Variants in KDM4C observed in about 807,000 individuals in gnomAD.
KDM4C encodes lysine-specific demethylase 4C.
Under a neutral mutation model 129.3 loss-of-function variants are expected in KDM4C, and 81 were observed. The ratio of observed to expected loss-of-function variants is 0.63; its 90% CI spans 0.52 to 0.75. KDM4C has a LOEUF of 0.75. Among genes scored for constraint, KDM4C ranks in the 30% least tolerant of loss-of-function variants. The probability of loss-of-function intolerance (pLI) is 0.00; values close to 1 mark genes in which losing one functional copy is unlikely to be tolerated. For synonymous variants in KDM4C, 573 were observed against 456.1 expected (o/e 1.26, Z -3.26); for missense variants, 1,457 against 1,304.0 (o/e 1.12, Z -1.81).
intron 16 of KDM4C, among the ~76,000 whole-genome samples, chr9:7,048,410 A>T (rs1235475072): frequency 6.6e-6 from 1 of 152,084 alleles, no homozygotes; most frequent in Non-Finnish European, 1.5e-5. Flanking sequence ...AGATCTCTTC[A>T]AACCTCATGA....
intron 1 of KDM4C, among the ~76,000 whole-genome samples, chr9:6,788,214 T>A (rs1445162078): frequency 1.3e-5 from 2 of 152,228 alleles, no homozygotes; most frequent in African/African-American, 4.8e-5. Flanking sequence ...TAGCATGTAC[T>A]TTTTATTGTC....
At chr9:7,088,284 A>G (rs1349783010) in intron 17 of KDM4C, among the ~76,000 whole-genome samples, 1 of 152,202 alleles carries the variant, frequency 6.6e-6, no homozygotes, top group Non-Finnish European at 1.5e-5. Context: ...ACCTAGGAGA[A>G]ATGCTGTTTT....
rs536483164 is a variant in KDM4C at position 7,102,978 on chromosome 9, C to T, written c.2425-707C>T. Among the ~76,000 whole-genome samples the T allele has an allele frequency of 1.8e-4, 27 of 152,250 alleles. 1 individual carries two copies. In the South Asian group the frequency reaches 4.1e-3, roughly 23 times the overall value. On this transcript the variant is annotated intron_variant, in intron 17 of 21. Coordinates refer to ENST00000381309, the MANE Select transcript of KDM4C (RefSeq NM_015061.6). The stretch of plus-strand genomic sequence containing the variant: ...GGCTAATTGTATGCAATTTACTTTT[C>T]GAATTGTGGTAATCATTATTGCTGT...
intron 18 of KDM4C, among the ~76,000 whole-genome samples, chr9:7,112,654 A>C (rs958405634): frequency 3.3e-5 from 5 of 152,182 alleles, no homozygotes; most frequent in Non-Finnish European, 5.9e-5. Flanking sequence ...CACAGGGCTG[A>C]TACATCATAT....
chr9:6,901,109 G>A (rs1817333914), intron 8 of KDM4C, among the ~76,000 whole-genome samples: 1 of 152,160 alleles, frequency 6.6e-6, no homozygotes, highest in Non-Finnish European at 1.5e-5. Context: ...TTGGTAGTGT[G>A]TTTTCTGGCT....
At chr9:6,834,390 G>A (rs574409564) in intron 4 of KDM4C, 92 of 358,122 alleles carry the variant, frequency 2.6e-4, no homozygotes, top group African/African-American at 1.6e-3. Context: ...GACCACGTCC[G>A]CCCCGTGAGC....
At position 6,758,074 on chromosome 9, in the gene KDM4C, G is replaced by A; in HGVS notation, c.-147G>A. The A allele has an allele frequency of 1.0e-6, 1 of 985,486 alleles. No individual in the cohort carries two copies. Among genetic ancestry groups the A allele is most frequent in the East Asian group, 1.1e-4 (1 of 8,794 alleles). The allele number at this position is 985,486 out of a possible 1,614,324, so 61.0% of individuals were successfully genotyped here. A position where few individuals can be genotyped will look rare whatever the true frequency, so the allele number is the denominator to read the frequency against. ...ATCGGGCGGCCGGGGTCCTGTGCGC[G>A]TGCGCAGCGAACAGCTGTCACCTAG... is the stretch of plus-strand genomic sequence containing the variant. On this transcript the variant is annotated 5_prime_UTR_variant, in exon 1 of 22. The change creates a new upstream start codon in the 5' untranslated region. Coordinates refer to ENST00000381309, the MANE Select transcript of KDM4C (RefSeq NM_015061.6). This position sits in a 1 kb window ranked among gnomAD's most constrained non-coding sequence, Gnocchi z 4.6.
intron 1 of KDM4C, among the ~76,000 whole-genome samples, chr9:6,736,268 A>G (rs892412563): frequency 6.6e-6 from 1 of 152,288 alleles, no homozygotes; most frequent in Non-Finnish European, 1.5e-5. Context: ...CTGAGGAGAA[A>G]CTCAATCCAG....
At chr9:7,123,187 CA>C (rs1839685586) in intron 18 of KDM4C, among the ~76,000 whole-genome samples, 1 of 152,120 alleles carries the variant, frequency 6.6e-6, no homozygotes, top group Non-Finnish European at 1.5e-5. Flanking sequence ...TCTAACCAGC[CA>C]ATCTGCATAA....
At chr9:6,817,198 C>A (rs1375435035) in intron 4 of KDM4C, among the ~76,000 whole-genome samples, 5 of 133,146 alleles carry the variant, frequency 3.8e-5, no homozygotes, top group South Asian at 5.6e-4. Flanking sequence ...TCCCCCTGCC[C>A]CCCCCCCCAC....
At chr9:7,172,521 A>G (rs572074153) in intron 21 of KDM4C, among the ~76,000 whole-genome samples, 1 of 152,230 alleles carries the variant, frequency 6.6e-6, no homozygotes, top group South Asian at 2.1e-4. Flanking sequence ...ACTCAGAGGA[A>G]GTATTTTGCC....
At chr9:6,859,289 A>C (rs986654946) in intron 5 of KDM4C, among the ~76,000 whole-genome samples, 3 of 151,918 alleles carry the variant, frequency 2.0e-5, no homozygotes, top group Admixed American at 6.6e-5. Context: ...CATCCTGGCC[A>C]ACGTGGTGAA....
At chr9:7,079,345 A>G (rs1363738385) in intron 17 of KDM4C, among the ~76,000 whole-genome samples, 2 of 152,206 alleles carry the variant, frequency 1.3e-5, no homozygotes, top group Non-Finnish European at 2.9e-5. Flanking sequence ...TTGTTTTGAG[A>G]TGGAGTCTCG....
chr9:6,761,918 C>T (rs1819615148), intron 1 of KDM4C, among the ~76,000 whole-genome samples: 1 of 152,052 alleles, frequency 6.6e-6, no homozygotes, highest in African/African-American at 2.4e-5. Flanking sequence ...AGTGATTCTC[C>T]TCCTCAGCCT....
intron 19 of KDM4C, among the ~76,000 whole-genome samples, chr9:7,145,940 G>T (rs536129062): frequency 6.6e-6 from 1 of 152,362 alleles, no homozygotes; most frequent in African/African-American, 2.4e-5. Flanking sequence ...TCCCACTGAA[G>T]ATGTTGCTCT....
chr9:6,842,304 C>A (rs1219587427), intron 4 of KDM4C, among the ~76,000 whole-genome samples: 1 of 148,664 alleles, frequency 6.7e-6, no homozygotes, highest in East Asian at 2.0e-4. Flanking sequence ...TTTCTTTTAT[C>A]CACATTTCTT....
intron 8 of KDM4C, among the ~76,000 whole-genome samples, chr9:6,932,267 T>C (rs1589170222): frequency 6.6e-6 from 1 of 151,024 alleles, no homozygotes; most frequent in African/African-American, 2.4e-5. Flanking sequence ...GAGGGAGGAC[T>C]GTGTGTAGCA....
At chr9:7,133,322 T>C (rs1028311344) in intron 19 of KDM4C, among the ~76,000 whole-genome samples, 8 of 152,214 alleles carry the variant, frequency 5.3e-5, no homozygotes, top group Non-Finnish European at 1.2e-4. Context: ...CTTGTCAGAT[T>C]AGATGAGAAC....
Position 7,174,877 on chromosome 9 carries a change from C to A in KDM4C, c.*148C>A. On this transcript the variant is annotated 3_prime_UTR_variant, in exon 22 of 22. Transcript: ENST00000381309. ...GTAAATCGGGTTTCCAGAGTTTGGT[C>A]ACCAAAAATACAAAATACACCCAAT... 1.6e-6 allele frequency: 1 copy of A among 624,920 alleles called. No individual in the cohort carries two copies. The highest frequency in any genetic ancestry group is 2.8e-6 in the Non-Finnish European group (1 of 359,514). The allele number at this position is 624,920 out of a possible 1,614,324, so 38.7% of individuals were successfully genotyped here. A position where few individuals can be genotyped will look rare whatever the true frequency, so the allele number is the denominator to read the frequency against.
Sources: gnomAD v4.1 joint callset for allele counts (sites outside exome capture counted in the v4.1 genomes callset) on GRCh38, gnomAD v4.1.1 for gene constraint, Gnocchi (gnomAD v3.1) non-coding constraint, MANE v1.5 for transcripts, NCBI Gene and HGNC (gene_info 2026-07-23, HGNC 2026-07-21) for gene names.